CNBD1: variants seen among roughly 807,000 people sequenced by gnomAD.
CNBD1 encodes cyclic nucleotide binding domain containing 1.
CNBD1 carries 71 observed loss-of-function variants against 54.4 expected under a neutral mutation model. That is an observed-to-expected ratio of 1.30 (90% CI 1.08 to 1.59). CNBD1 has a LOEUF of 1.59. Among genes scored for constraint, CNBD1 ranks in the 40% most tolerant of loss-of-function variants. The pLI is 0.00. For synonymous variants in CNBD1, 182 were observed against 170.7 expected (o/e 1.07, Z -0.51); for missense variants, 659 against 518.0 (o/e 1.27, Z -2.64).
At position 87,196,501 on chromosome 8, in the gene CNBD1, G is replaced by A. The variant is rs146580415; in HGVS notation, c.432-9492G>A. Among the ~76,000 whole-genome samples, 1,480 of 152,298 alleles carry A rather than the reference G, an allele frequency of 9.7e-3. 38 individuals carry two copies. The highest frequency in any genetic ancestry group is 0.034 in the African/African-American group (1,395 of 41,542). On this transcript the variant is annotated intron_variant, in intron 4 of 10. Transcript: ENST00000518476. ...GGCCTCACAGATGTTCACTAAAGTAGTCAAAGTCTCTTCTTATCAGCAAGA... is the reference window on the plus strand; with the variant it reads ...GGCCTCACAGATGTTCACTAAAGTAATCAAAGTCTCTTCTTATCAGCAAGA...
intron 2 of CNBD1, among the ~76,000 whole-genome samples, chr8:87,395,427 G>T (rs918314362): frequency 6.6e-6 from 1 of 151,834 alleles, no homozygotes; most frequent in Non-Finnish European, 1.5e-5. Flanking sequence ...ATATTGAAGT[G>T]TTCATTTAAG....
At chr8:87,055,508 C>T (rs1446652055) in intron 4 of CNBD1, among the ~76,000 whole-genome samples, 1 of 151,928 alleles carries the variant, frequency 6.6e-6, no homozygotes, top group African/African-American at 2.4e-5. Context: ...GGAATGTTTT[C>T]CTGGGAGCCC....
intron 8 of CNBD1, among the ~76,000 whole-genome samples, chr8:87,321,955 C>A (rs1467695825): frequency 6.9e-6 from 1 of 145,136 alleles, no homozygotes; most frequent in African/African-American, 2.6e-5. Context: ...CCTCCCCGCT[C>A]CCCCCACCCC....
downstream of CNBD1, among the ~76,000 whole-genome samples, chr8:87,387,302 C>T (rs151262142): frequency 1.3e-5 from 2 of 152,000 alleles, no homozygotes; most frequent in Admixed American, 6.6e-5. Context: ...TTAAAAGACA[C>T]AGACTGGCAA....
At chr8:87,398,895 A>C (rs942994024) in intron 2 of CNBD1, among the ~76,000 whole-genome samples, 1 of 152,034 alleles carries the variant, frequency 6.6e-6, no homozygotes, top group Admixed American at 6.6e-5. Context: ...TAAAACCACT[A>C]TCAGACCCAC....
intron 4 of CNBD1, among the ~76,000 whole-genome samples, chr8:87,153,198 A>T (rs1195251754): frequency 3.3e-5 from 5 of 152,210 alleles, no homozygotes; most frequent in African/African-American, 1.2e-4. Flanking sequence ...TTGAAAGGTG[A>T]TGGAGAAAAA....
intron 8 of CNBD1, among the ~76,000 whole-genome samples, chr8:87,321,424 A>G (rs1809526968): frequency 6.6e-6 from 1 of 151,922 alleles, no homozygotes; most frequent in South Asian, 2.1e-4. Context: ...TGTGATTTTG[A>G]TTTGTGTTTG....
In CNBD1 at chr8:86,964,910, C is replaced by T. The variant is rs114140033; in HGVS notation, c.431+25156C>T. ...GGCAAAGAAAAATAGTCCAAGGTCC[C>T]TTCACATAAGGGACGTTGGACTATT... On this transcript the variant is annotated intron_variant, in intron 4 of 10. Coordinates refer to ENST00000518476, the MANE Select transcript of CNBD1 (RefSeq NM_173538.3). Among the ~76,000 whole-genome samples, 432 of 152,272 alleles carry T rather than the reference C, an allele frequency of 2.8e-3. 3 individuals carry two copies. The highest frequency in any genetic ancestry group is 9.1e-3 in the African/African-American group (380 of 41,544).
At chr8:86,925,420 G>C (rs1364185988) in intron 3 of CNBD1, among the ~76,000 whole-genome samples, 1 of 151,876 alleles carries the variant, frequency 6.6e-6, no homozygotes, top group Admixed American at 6.6e-5. Context: ...TCTTTAGAAA[G>C]AGTCTGTATA....
chr8:87,337,882 T>C (rs1400961641), intron 8 of CNBD1, among the ~76,000 whole-genome samples: 1 of 152,140 alleles, frequency 6.6e-6, no homozygotes, highest in African/African-American at 2.4e-5. Context: ...CCAATGGGAT[T>C]CTTTGATTGC....
chr8:87,029,269 G>A (rs1430173856), intron 4 of CNBD1, among the ~76,000 whole-genome samples: 2 of 152,300 alleles, frequency 1.3e-5, no homozygotes, highest in Admixed American at 6.5e-5. Flanking sequence ...GAAAAGTGGA[G>A]CATAGTGCAG....
At chr8:87,291,652 G>A (rs922404906) in intron 8 of CNBD1, among the ~76,000 whole-genome samples, 1 of 152,028 alleles carries the variant, frequency 6.6e-6, no homozygotes, top group Non-Finnish European at 1.5e-5. Context: ...TTATTTTTTG[G>A]GGTGAGGGGG....
intron 4 of CNBD1, among the ~76,000 whole-genome samples, chr8:87,089,381 A>G (rs558911153): frequency 9.2e-5 from 14 of 152,254 alleles, no homozygotes; most frequent in African/African-American, 2.9e-4. Context: ...ATAGAAAAAA[A>G]TCTAATGATG....
At chr8:87,414,266 G>A (rs1031299752) in intron 2 of CNBD1, among the ~76,000 whole-genome samples, 76 of 151,868 alleles carry the variant, frequency 5.0e-4, no homozygotes, top group African/African-American at 1.3e-3. Flanking sequence ...GCAAACTATC[G>A]CAAGGACAAA....
At chr8:87,372,501 G>A (rs1415134394) in intron 10 of CNBD1, among the ~76,000 whole-genome samples, 1 of 151,832 alleles carries the variant, frequency 6.6e-6, no homozygotes, top group Non-Finnish European at 1.5e-5. Context: ...CAGAAACTCT[G>A]GGTTGATTTT....
Position 86,939,742 on chromosome 8 carries a change from T to C in CNBD1, c.419T>C (p.Ile140Thr), listed in dbSNP as rs1809617547. 2 of 1,554,692 alleles carry C rather than the reference T, an allele frequency of 1.3e-6. No individual in the cohort carries two copies. Among genetic ancestry groups the C allele is most frequent in the Non-Finnish European group, 1.7e-6 (2 of 1,146,304 alleles). Residue 140 changes from isoleucine to threonine, a missense_variant, in exon 4 of 11, where the codon ATC (isoleucine) becomes ACC (threonine). Coordinates refer to ENST00000518476, the MANE Select transcript of CNBD1 (RefSeq NM_173538.3). ...ATEKFEEFLA[I>T]LKKLPIHRTP... ...GAGAAATTTGAAGAATTCCTAGCTA[T>C]CTTAAAGAAATTGTAAGTATTTAAA...
intron 4 of CNBD1, among the ~76,000 whole-genome samples, chr8:87,111,138 A>T (rs1296152373): frequency 2.6e-5 from 4 of 152,220 alleles, no homozygotes; most frequent in Non-Finnish European, 4.4e-5. Context: ...TTGATTTACT[A>T]ACGTGGTCTG....
intron 4 of CNBD1, among the ~76,000 whole-genome samples, chr8:86,962,226 C>CT (rs1404322206): frequency 6.6e-6 from 1 of 152,072 alleles, no homozygotes; most frequent in Non-Finnish European, 1.5e-5. Context: ...AAAATGGAGA[C>CT]TAATTCAGTC....
At chr8:87,155,167 T>C (rs1586294710) in intron 4 of CNBD1, among the ~76,000 whole-genome samples, 1 of 152,202 alleles carries the variant, frequency 6.6e-6, no homozygotes, top group Non-Finnish European at 1.5e-5. Context: ...ATAAGGGAGA[T>C]GTCTTAGTTA....
Sources: gnomAD v4.1 joint callset for allele counts (sites outside exome capture counted in the v4.1 genomes callset) on GRCh38, gnomAD v4.1.1 for gene constraint, MANE v1.5 for transcripts, NCBI Gene and HGNC (gene_info 2026-07-23, HGNC 2026-07-21) for gene names.